GRIP1: variants seen among roughly 807,000 people sequenced by gnomAD.
GRIP1 encodes glutamate receptor interacting protein 1.
A neutral mutation model predicts 129.9 loss-of-function variants in GRIP1; 45 were observed. The ratio of observed to expected loss-of-function variants is 0.35; its 90% CI spans 0.27 to 0.44. The LOEUF (loss-of-function observed/expected upper bound fraction) is 0.44. GRIP1 is among the 20% of genes least tolerant of loss of function. The pLI, the probability that GRIP1 is intolerant of heterozygous loss-of-function variation, is 1.00. For missense variants in GRIP1, 1,196 were observed against 1,396.8 expected (o/e 0.86, Z 2.29); for synonymous variants, 530 against 520.8 (o/e 1.02, Z -0.24).
At chr12:66,447,582 C>G (rs2058667273) in intron 11 of GRIP1, among the ~76,000 whole-genome samples, 1 of 152,148 alleles carries the variant, frequency 6.6e-6, no homozygotes, top group Non-Finnish European at 1.5e-5. Flanking sequence ...TTTGTTCCCT[C>G]TTCCTTTTTT....
chr12:66,514,695 G>A (rs973425241), intron 7 of GRIP1, among the ~76,000 whole-genome samples: 1 of 151,932 alleles, frequency 6.6e-6, no homozygotes, highest in African/African-American at 2.4e-5. Flanking sequence ...TTCCCATTAG[G>A]AAACCTCATA....
chr12:66,737,911 C>T (rs147731847), intron 1 of GRIP1, among the ~76,000 whole-genome samples: 36 of 152,166 alleles, frequency 2.4e-4, no homozygotes, highest in African/African-American at 3.6e-4. Flanking sequence ...GTTGTGATCA[C>T]GCACTGAAAA....
chr12:66,868,544 T>G (rs2137144151), intron 1 of GRIP1, among the ~76,000 whole-genome samples: 1 of 152,134 alleles, frequency 6.6e-6, no homozygotes. Context: ...CAGAGATTTT[T>G]TACTCCAAAG....
intron 22 of GRIP1, chr12:66,372,315 C>T (rs1451032256): frequency 1.6e-5 from 5 of 307,518 alleles, no homozygotes; most frequent in African/African-American, 2.2e-5. Flanking sequence ...CTTACAGAAA[C>T]GAATTAAGAA....
intron 1 of GRIP1, among the ~76,000 whole-genome samples, chr12:66,874,570 G>A (rs1267660879): frequency 6.6e-6 from 1 of 152,014 alleles, no homozygotes; most frequent in Admixed American, 6.6e-5. Flanking sequence ...TTCTGGGGAG[G>A]CCTCAGGAAA....
intron 1 of GRIP1, among the ~76,000 whole-genome samples, chr12:66,831,217 C>T (rs1443494910): frequency 6.6e-6 from 1 of 152,146 alleles, no homozygotes; most frequent in Non-Finnish European, 1.5e-5. Context: ...TTGCCACCAG[C>T]TACACGGCTA....
chr12:66,745,298 T>C (rs1314140470), intron 1 of GRIP1, among the ~76,000 whole-genome samples: 2 of 152,198 alleles, frequency 1.3e-5, no homozygotes, highest in African/African-American at 4.8e-5. Flanking sequence ...AGACTTCCTA[T>C]GTTTGCTCAA....
At chr12:66,815,049 G>GA (rs1400496389) in intron 1 of GRIP1, among the ~76,000 whole-genome samples, 1 of 152,082 alleles carries the variant, frequency 6.6e-6, no homozygotes, top group Non-Finnish European at 1.5e-5. Context: ...TTGGGTGGGG[G>GA]ATAGCCAAAC....
chr12:66,348,262 A>ATAAT lies in GRIP1; in HGVS notation c.*753_*756dup, dbSNP rs2054065439. The ATAAT allele has an allele frequency of 6.7e-6, 1 of 150,084 alleles. No individual in the cohort carries two copies. Among genetic ancestry groups the ATAAT allele is most frequent in the African/African-American group, 2.5e-5 (1 of 39,588 alleles). 9.3% of individuals were successfully genotyped at this position (150,084 alleles called of 1,614,324 possible). On this transcript the variant is annotated 3_prime_UTR_variant, in exon 25 of 25. Coordinates refer to ENST00000359742, the MANE Select transcript of GRIP1 (RefSeq NM_001366722.1). ...CTTAGTCTTGAATTTTAAAAATAAG[A>ATAAT]TAATATAACTAATTCTCATGTTTAC... is the stretch of plus-strand genomic sequence containing the variant.
chr12:66,482,734 G>A (rs560495925), intron 7 of GRIP1, among the ~76,000 whole-genome samples: 2 of 152,194 alleles, frequency 1.3e-5, no homozygotes, highest in East Asian at 1.9e-4. Flanking sequence ...TGGATAAATG[G>A]GGCACTCTTA....
chr12:66,852,544 A>ATGTG lies in GRIP1; in HGVS notation c.58+216505_58+216506insCACA, dbSNP rs2039932452. On this transcript the variant is annotated intron_variant, in intron 1 of 1. Transcript: ENST00000643019. Reference sequence around the variant, plus strand: ...TATATATGTATATGTATATATGTATATATGTATATGTATATATGTATATGC... The same window carrying ATGTG: ...TATATATGTATATGTATATATGTATATGTGTATGTATATGTATATATGTATATGC... Among the ~76,000 whole-genome samples, 4 of 107,142 alleles carry ATGTG rather than the reference A, an allele frequency of 3.7e-5. No homozygotes were observed. In the South Asian group the frequency reaches 1.2e-3, roughly 32 times the overall value. 70.3% of individuals were successfully genotyped at this position (107,142 alleles called of 152,430 possible). A position where few individuals can be genotyped will look rare whatever the true frequency, so the allele number is the denominator to read the frequency against.
At chr12:66,359,865 C>T (rs1246987199) in intron 23 of GRIP1, among the ~76,000 whole-genome samples, 1 of 152,180 alleles carries the variant, frequency 6.6e-6, no homozygotes, top group Admixed American at 6.5e-5. Flanking sequence ...CCATATACCC[C>T]TGTTTACCTG....
intron 1 of GRIP1, among the ~76,000 whole-genome samples, chr12:66,900,821 T>C (rs533212383): frequency 3.3e-5 from 5 of 152,266 alleles, no homozygotes; most frequent in South Asian, 4.2e-4. Context: ...TCTGGGCACA[T>C]TGCCAACTGG....
intron 1 of GRIP1, among the ~76,000 whole-genome samples, chr12:66,870,059 C>G (rs2040269780): frequency 6.6e-6 from 1 of 152,082 alleles, no homozygotes; most frequent in African/African-American, 2.4e-5. Flanking sequence ...AACACCTTCC[C>G]CATTGTGACA....
At chr12:67,048,917 T>A (rs2043297570) in intron 1 of GRIP1, among the ~76,000 whole-genome samples, 1 of 152,156 alleles carries the variant, frequency 6.6e-6, no homozygotes, top group African/African-American at 2.4e-5. Flanking sequence ...CCCTTTTTTC[T>A]TCTTAGTCTT....
At chr12:66,741,426 G>T (rs1404579840) in intron 1 of GRIP1, among the ~76,000 whole-genome samples, 1 of 152,066 alleles carries the variant, frequency 6.6e-6, no homozygotes, top group East Asian at 1.9e-4. Flanking sequence ...GAAAATGTGG[G>T]GATAAAGTAA....
intron 1 of GRIP1, among the ~76,000 whole-genome samples, chr12:67,000,164 T>C (rs1190371879): frequency 6.6e-6 from 1 of 152,188 alleles, no homozygotes; most frequent in African/African-American, 2.4e-5. Flanking sequence ...TGTACATCTC[T>C]TTCTCTTCTC....
intron 15 of GRIP1, among the ~76,000 whole-genome samples, chr12:66,412,764 T>C (rs777917473): frequency 6.6e-6 from 1 of 152,036 alleles, no homozygotes; most frequent in Non-Finnish European, 1.5e-5. Flanking sequence ...GTGACACACA[T>C]AGGCTCAAAA....
chr12:66,578,628 C>T (rs140668948), intron 2 of GRIP1, among the ~76,000 whole-genome samples: 37,388 of 152,114 alleles, frequency 0.25, 4,731 homozygotes, highest in Admixed American at 0.28. Flanking sequence ...CTCAGAGGGT[C>T]CTATGCCCAC....
Sources: allele counts gnomAD v4.1 joint callset (sites outside exome capture counted in the v4.1 genomes callset), GRCh38; gene constraint gnomAD v4.1.1; transcripts MANE v1.5; gene names NCBI Gene and HGNC (gene_info 2026-07-23, HGNC 2026-07-21).